YTHDF2: variants seen among roughly 807,000 people sequenced by gnomAD.
YTHDF2 encodes YTH domain-containing family protein 2.
Under a neutral mutation model 50.4 loss-of-function variants are expected in YTHDF2, and 2 were observed. The observed-to-expected ratio is 0.04, with a 90% CI of 0.02 to 0.12. The LOEUF is 0.12. Among genes scored for constraint, YTHDF2 ranks in the 10% least tolerant of loss-of-function variants. YTHDF2 has a pLI of 1.00. For synonymous variants in YTHDF2, 217 were observed against 255.6 expected (o/e 0.85, Z 1.44); for missense variants, 483 against 722.6 (o/e 0.67, Z 3.80).
intron 4 of YTHDF2, among the ~76,000 whole-genome samples, chr1:28,746,274 T>C (rs1355823769): frequency 6.6e-6 from 1 of 152,122 alleles, no homozygotes; most frequent in Admixed American, 6.6e-5. Flanking sequence ...ATCTTTATAA[T>C]AAAATTCTGT....
Position 28,738,281 on chromosome 1 carries a change from A to G in YTHDF2, c.75A>G (p.Gln25=), listed in dbSNP as rs767401742. 3 of 1,614,158 alleles carry G rather than the reference A, an allele frequency of 1.9e-6. No homozygotes were observed. The highest frequency in any genetic ancestry group is 1.7e-5 in the Admixed American group (1 of 60,030). The change falls in exon 3 of 5, where the codon CAA becomes CAG. Residue 25 remains glutamine (Q), a synonymous_variant. Transcript: ENST00000373812. ...TAGTACAAAATGGATCTGTACATCA[A>G]AAGGATGGATTAAACGATGATGATT... ...GNKVQNGSVH[Q]KDGLNDDDFE...
At chr1:28,736,886 T>TG (rs1041441366), upstream of YTHDF2, 15 of 391,676 alleles carry the variant, frequency 3.8e-5, no homozygotes, top group Middle Eastern at 7.5e-4. Flanking sequence ...CTTTAGGCGG[T>TG]GGGGGGCGGG....
At chr1:28,746,001 T>C (rs969289588) in intron 4 of YTHDF2, among the ~76,000 whole-genome samples, 9 of 152,166 alleles carry the variant, frequency 5.9e-5, no homozygotes. Context: ...ATTGCATCAC[T>C]GCACTCCAGC....
chr1:28,736,838 G>A (rs925642891), upstream of YTHDF2: 61 of 384,712 alleles, frequency 1.6e-4, no homozygotes, highest in Middle Eastern at 3.7e-3. Context: ...CAGCGCTCGC[G>A]CCGCGCGCGC....
At position 28,753,055 on chromosome 1, in the gene YTHDF2, T is replaced by A. The variant is rs185582694; in HGVS notation, c.1716+9069T>A. ...AGGAGACTGTCCCTAGAAAAAAAAA[T>A]TTTTTTGAGGAAATATTCTAATATT... On this transcript the variant is annotated intron_variant, in intron 4 of 4. Coordinates refer to ENST00000373812, the MANE Select transcript of YTHDF2 (RefSeq NM_016258.3). Among the ~76,000 whole-genome samples the A allele has an allele frequency of 3.2e-3, 481 of 151,352 alleles. 1 individual carries two copies. Among genetic ancestry groups the A allele is most frequent in the Non-Finnish European group, 5.0e-3 (340 of 67,804 alleles).
upstream of YTHDF2, chr1:28,736,817 A>G (rs2087694124): frequency 2.7e-6 from 1 of 373,196 alleles, no homozygotes; most frequent in African/African-American, 2.2e-5. Flanking sequence ...TGGGTGAGTG[A>G]ATGTGAGAGT....
At chr1:28,742,259 T>C in intron 3 of YTHDF2, 144 bp from the exon 4 acceptor site, 1 of 1,036,202 alleles carries the variant, frequency 9.7e-7, no homozygotes, top group Non-Finnish European at 1.3e-6. Flanking sequence ...CCTCCCAAAG[T>C]GTAGGGATTA....
In YTHDF2 at chr1:28,742,964, G is replaced by A. The variant is rs2087802038; in HGVS notation, c.694G>A (p.Ala232Thr). Residue 232 changes from alanine to threonine, a missense_variant, in exon 4 of 5, where the codon GCT becomes ACT. Physicochemically the swap from Ala to Thr is moderately conservative, Grantham distance 58. Transcript: ENST00000373812. ...ASNSLPPATI[A>T]PPKPASWADI... The stretch of plus-strand genomic sequence containing the variant: ...CAATAGTTTGCCTCCAGCCACCATT[G>A]CTCCTCCAAAACCAGCATCTTGGGC... The A allele has an allele frequency of 6.2e-7, 1 of 1,614,152 alleles. No homozygotes were observed. The highest frequency in any genetic ancestry group is 1.1e-5 in the South Asian group (1 of 91,080).
intron 4 of YTHDF2, among the ~76,000 whole-genome samples, chr1:28,761,628 T>TC (rs577549001): frequency 4.3e-4 from 65 of 152,234 alleles, no homozygotes; most frequent in Non-Finnish European, 8.8e-4. Context: ...TCCCAGCTAC[T>TC]CAGGAGGCTG....
At chr1:28,745,258 G>T (rs2087840544) in intron 4 of YTHDF2, among the ~76,000 whole-genome samples, 1 of 152,132 alleles carries the variant, frequency 6.6e-6, no homozygotes, top group African/African-American at 2.4e-5. Context: ...TTAAAGTAGG[G>T]ATGGTTGCTA....
chr1:28,755,246 G>C (rs974863618), intron 4 of YTHDF2, among the ~76,000 whole-genome samples: 6 of 152,186 alleles, frequency 3.9e-5, no homozygotes, highest in Non-Finnish European at 7.4e-5. Context: ...ATAGTAGGCA[G>C]CTGGGAATCT....
At position 28,743,942 on chromosome 1, in the gene YTHDF2, T is replaced by A. The variant is rs749402556; in HGVS notation, c.1672T>A (p.Ser558Thr). Residue 558 changes from serine to threonine, a missense_variant, in exon 4 of 5, where the codon TCA (serine) becomes ACA (threonine). Ser to Thr is a moderately conservative substitution (Grantham distance 58). Transcript: ENST00000373812. This position sits in a 1 kb window ranked among gnomAD's most constrained non-coding sequence, Gnocchi z 6.9. ...KHTTSIFDDF[S>T]HYEKRQEEEE... The stretch of plus-strand genomic sequence containing the variant: ...CACCACTTCCATTTTTGATGACTTC[T>A]CACACTATGAGAAACGCCAAGAGGA... 22 of 1,574,662 alleles carry A rather than the reference T, an allele frequency of 1.4e-5. No individual in the cohort carries two copies. Among genetic ancestry groups the A allele is most frequent in the Non-Finnish European group, 1.8e-5 (21 of 1,163,392 alleles).
intron 4 of YTHDF2, among the ~76,000 whole-genome samples, chr1:28,764,211 A>G (rs2088182608): frequency 6.6e-6 from 1 of 151,708 alleles, no homozygotes; most frequent in African/African-American, 2.4e-5. Flanking sequence ...TCGGCCTCCC[A>G]AAGTGCTGGG....
chr1:28,763,214 T>C (rs1304137040), intron 4 of YTHDF2, among the ~76,000 whole-genome samples: 1 of 152,230 alleles, frequency 6.6e-6, no homozygotes, highest in African/African-American at 2.4e-5. Flanking sequence ...TTTCTAGTTA[T>C]TTAAGCCACA....
At chr1:28,767,951 C>G (rs1314702259) in intron 4 of YTHDF2, among the ~76,000 whole-genome samples, 1 of 150,940 alleles carries the variant, frequency 6.6e-6, no homozygotes, top group African/African-American at 2.4e-5. Context: ...GCCTCTAATC[C>G]CAGCACTTTG....
chr1:28,757,107 C>G (rs1002506176), intron 4 of YTHDF2, among the ~76,000 whole-genome samples: 1 of 152,176 alleles, frequency 6.6e-6, no homozygotes. Context: ...GCTTTTCATT[C>G]CTTGCGGAAT....
At chr1:28,757,265 G>A (rs1157381016) in intron 4 of YTHDF2, among the ~76,000 whole-genome samples, 3 of 152,304 alleles carry the variant, frequency 2.0e-5, no homozygotes, top group South Asian at 2.1e-4. Flanking sequence ...TAGAAAAATA[G>A]CAAAATCAGT....
At chr1:28,738,395 C>A in intron 3 of YTHDF2, 57 bp downstream of exon 3, 5 of 1,353,098 alleles carry the variant, frequency 3.7e-6, no homozygotes, top group Non-Finnish European at 5.2e-6. Context: ...TCTTTCTCCG[C>A]CTTCTACCAA....
intron 4 of YTHDF2, among the ~76,000 whole-genome samples, chr1:28,762,590 G>A (rs2124205147): frequency 1.3e-5 from 2 of 152,234 alleles, no homozygotes; most frequent in South Asian, 4.1e-4. Flanking sequence ...ATTATATCCA[G>A]GTGAATATGA....
Sources: allele counts gnomAD v4.1 joint callset (sites outside exome capture counted in the v4.1 genomes callset), GRCh38; gene constraint gnomAD v4.1.1; non-coding constraint Gnocchi (gnomAD v3.1); transcripts MANE v1.5; gene names NCBI Gene and HGNC (gene_info 2026-07-23, HGNC 2026-07-21).